Variants in TCERG1 observed in about 807,000 individuals in gnomAD.
TCERG1 encodes the protein transcription elongation regulator 1.
Under a neutral mutation model 144.7 loss-of-function variants are expected in TCERG1, and 37 were observed. The ratio of observed to expected loss-of-function variants is 0.26; its 90% CI spans 0.20 to 0.34. TCERG1 has a LOEUF of 0.34. Among genes scored for constraint, TCERG1 ranks in the 10% least tolerant of loss-of-function variants. The pLI, the probability that TCERG1 is intolerant of heterozygous loss-of-function variation, is 1.00. For synonymous variants in TCERG1, 492 were observed against 458.2 expected, an observed-to-expected ratio of 1.07 and a Z score of -0.94; for missense variants, 1,027 against 1,380.7, an observed-to-expected ratio of 0.74 and a Z score of 4.06.
In TCERG1 at chr5:146,498,551, A is replaced by T; in HGVS notation, c.2298A>T (p.Glu766Asp). Reference protein sequence around the residue: ...AKFNPRATFSEFAAKHAKDSR... With the variant: ...AKFNPRATFSDFAAKHAKDSR... ...TTTGTTACAGAGCAACTTTTAGTGA[A>T]TTTGCAGCCAAGCATGCTAAAGATT... Residue 766 changes from glutamate (E) to aspartate (D), a missense_variant, in exon 17 of 23, where the codon GAA becomes GAT. By Grantham distance (45) the Glu-to-Asp change is conservative (BLOSUM62 2). Coordinates refer to ENST00000679501, the MANE Select transcript of TCERG1 (RefSeq NM_001382548.1). 1 of 1,605,188 alleles carries T rather than the reference A, an allele frequency of 6.2e-7. No individual in the cohort carries two copies. The highest frequency in any genetic ancestry group is 8.5e-7 in the Non-Finnish European group (1 of 1,177,082).
intron 1 of TCERG1, among the ~76,000 whole-genome samples, chr5:146,450,446 TATA>T (rs1762255483): frequency 1.3e-5 from 2 of 152,236 alleles, no homozygotes; most frequent in South Asian, 4.1e-4. Context: ...CAGGGCCTGA[TATA>T]ATAATTATAG....
chr5:146,447,739 G>A (rs1388281202), intron 1 of TCERG1, among the ~76,000 whole-genome samples: 1 of 152,194 alleles, frequency 6.6e-6, no homozygotes, highest in Non-Finnish European at 1.5e-5. Flanking sequence ...CGTCTCGGCC[G>A]ACCTGAGTCT....
At chr5:146,495,680 A>C (rs542759765) in intron 16 of TCERG1, among the ~76,000 whole-genome samples, 1 of 152,322 alleles carries the variant, frequency 6.6e-6, no homozygotes, top group Middle Eastern at 3.4e-3. Context: ...TGATGTTTTA[A>C]GTTCTAAATT....
chr5:146,479,177 T>A (rs1320590098), intron 10 of TCERG1, among the ~76,000 whole-genome samples: 2 of 152,180 alleles, frequency 1.3e-5, no homozygotes, highest in African/African-American at 4.8e-5. Context: ...CAGATATTTG[T>A]ACGTAATTTT....
In TCERG1 at chr5:146,497,580, T is replaced by C. The variant is rs537441985; in HGVS notation, c.2283-956T>C. ...ATATTTAGTGATTTTTGATTGAATA[T>C]TGGACTTTGTGGCTAATATATAGAG... On this transcript the variant is annotated intron_variant, in intron 16 of 22. Transcript: ENST00000679501. 8.5e-5 allele frequency among the ~76,000 whole-genome samples: 13 copies of C among 152,348 alleles called. No individual in the cohort carries two copies. In the South Asian group the frequency reaches 2.7e-3, roughly 32 times the overall value.
At position 146,455,076 on chromosome 5, in the gene TCERG1, T is replaced by G. The variant is rs761198895; in HGVS notation, c.80T>G (p.Leu27Trp). 6.2e-7 allele frequency: 1 copy of G among 1,614,270 alleles called. No homozygotes were observed. Among genetic ancestry groups the G allele is most frequent in the South Asian group, 1.1e-5 (1 of 91,090 alleles). The change falls in exon 2 of 23, where the codon TTG becomes TGG. Residue 27 changes from leucine (L) to tryptophan (W), a missense_variant. This residue lies in a region of TCERG1 where 175 missense variants were observed against 197.0 expected (regional missense o/e 0.89). Coordinates refer to ENST00000679501, the MANE Select transcript of TCERG1 (RefSeq NM_001382548.1). ...GELRMAQQQALRFRGPAPPPN... is the reference protein window; with the variant it reads ...GELRMAQQQAWRFRGPAPPPN... ...TGCAGGATGGCCCAACAGCAGGCCTTGAGGTTCCGAGGTCCGGCTCCCCCA... is the reference window on the plus strand; with the variant it reads ...TGCAGGATGGCCCAACAGCAGGCCTGGAGGTTCCGAGGTCCGGCTCCCCCA...
At chr5:146,484,677 G>C (rs1434267625) in intron 15 of TCERG1, among the ~76,000 whole-genome samples, 1 of 152,110 alleles carries the variant, frequency 6.6e-6, no homozygotes, top group Non-Finnish European at 1.5e-5. Flanking sequence ...AACTCTGTGT[G>C]AGTTTTTTAT....
rs1299427456 is a variant in TCERG1 at position 146,511,791 on chromosome 5, T to C, written c.*1149T>C. 6.6e-6 allele frequency: 1 copy of C among 152,180 alleles called. No individual in the cohort carries two copies. Among genetic ancestry groups the C allele is most frequent in the Non-Finnish European group, 1.5e-5 (1 of 68,038 alleles). The allele number at this position is 152,180 out of a possible 1,614,324, so 9.4% of individuals were successfully genotyped here. On this transcript the variant is annotated 3_prime_UTR_variant, in exon 23 of 23. Coordinates refer to ENST00000679501, the MANE Select transcript of TCERG1 (RefSeq NM_001382548.1). Reference sequence around the variant, plus strand: ...TTTTGTCCTTTGTATTAATGTATGATGGTTTGCGCCTTTTTGGCATTCTTT... The same window carrying C: ...TTTTGTCCTTTGTATTAATGTATGACGGTTTGCGCCTTTTTGGCATTCTTT...
Position 146,458,875 on chromosome 5 carries a change from C to T in TCERG1, c.439-9C>T. 6.3e-7 allele frequency: 1 copy of T among 1,581,630 alleles called. No individual in the cohort carries two copies. The highest frequency in any genetic ancestry group is 8.6e-7 in the Non-Finnish European group (1 of 1,163,790). ...TTTATGATACCATTGATTTTTGCTTCCGCTGCAGGTTTATTATTATAATGC... is the reference window on the plus strand; with the variant it reads ...TTTATGATACCATTGATTTTTGCTTTCGCTGCAGGTTTATTATTATAATGC... On this transcript the variant is annotated splice_polypyrimidine_tract_variant and intron_variant, in intron 3 of 22. Coordinates refer to ENST00000679501, the MANE Select transcript of TCERG1 (RefSeq NM_001382548.1).
chr5:146,461,517 T>A (rs1254610231), intron 4 of TCERG1, among the ~76,000 whole-genome samples: 1 of 152,192 alleles, frequency 6.6e-6, no homozygotes, highest in Non-Finnish European at 1.5e-5. Flanking sequence ...ATTATTTTAT[T>A]GCTTTTGTTC....
At chr5:146,471,006 A>T (rs1278206997) in intron 8 of TCERG1, among the ~76,000 whole-genome samples, 3 of 152,246 alleles carry the variant, frequency 2.0e-5, no homozygotes, top group Non-Finnish European at 4.4e-5. Flanking sequence ...TCTGACTTAT[A>T]AACTGAGTGG....
At chr5:146,464,335 A>G (rs554265419) in intron 5 of TCERG1, among the ~76,000 whole-genome samples, 1 of 152,372 alleles carries the variant, frequency 6.6e-6, no homozygotes, top group Non-Finnish European at 1.5e-5. Flanking sequence ...TAAGCTTTTA[A>G]TAACTATGTT....
chr5:146,475,753 A>G (rs988944372), intron 9 of TCERG1, among the ~76,000 whole-genome samples: 4 of 152,084 alleles, frequency 2.6e-5, no homozygotes, highest in African/African-American at 9.7e-5. Context: ...GTGGTAATGT[A>G]TTTCTTTTAT....
chr5:146,474,758 C>A (rs1325992516), intron 9 of TCERG1, among the ~76,000 whole-genome samples: 1 of 152,154 alleles, frequency 6.6e-6, no homozygotes, highest in African/African-American at 2.4e-5. Context: ...GCCCTGAAAG[C>A]TCAGATGATA....
At chr5:146,477,114 T>C (rs1232602878) in intron 9 of TCERG1, among the ~76,000 whole-genome samples, 1 of 152,160 alleles carries the variant, frequency 6.6e-6, no homozygotes, top group African/African-American at 2.4e-5. Flanking sequence ...GTCTCCATTC[T>C]GTCTTGAGCC....
chr5:146,447,763 G>A (rs752414298), intron 1 of TCERG1, among the ~76,000 whole-genome samples: 1 of 152,222 alleles, frequency 6.6e-6, no homozygotes. Flanking sequence ...CCCAGGCCGC[G>A]CTCCGCTGCG....
Position 146,507,531 on chromosome 5 carries a change from G to T in TCERG1, c.2961+324G>T. 6.1e-6 allele frequency: 2 copies of T among 329,640 alleles called. No homozygotes were observed. The highest frequency in any genetic ancestry group is 1.1e-5 in the Non-Finnish European group (2 of 183,994). 20.4% of individuals were successfully genotyped at this position (329,640 alleles called of 1,614,324 possible). On this transcript the variant is annotated intron_variant, in intron 20 of 22. Transcript: ENST00000679501. The surrounding 1 kb of genome is among the most constrained non-coding windows in gnomAD (Gnocchi z 4.6). Reference sequence around the variant, plus strand: ...ATTTGGTACTATGGCCTCTTGTTCGGCAGTTTGTACGCTTTGTTATCCAGG... The same window carrying T: ...ATTTGGTACTATGGCCTCTTGTTCGTCAGTTTGTACGCTTTGTTATCCAGG...
At chr5:146,477,999 G>GGCCTT (rs962041125) in intron 9 of TCERG1, among the ~76,000 whole-genome samples, 3 of 151,990 alleles carry the variant, frequency 2.0e-5, no homozygotes, top group African/African-American at 7.3e-5. Flanking sequence ...CACCGTGCTG[G>GGCCTT]GCCTTCCCTT....
chr5:146,486,973 C>T (rs1240788260), intron 15 of TCERG1, among the ~76,000 whole-genome samples: 1 of 151,966 alleles, frequency 6.6e-6, no homozygotes, highest in African/African-American at 2.4e-5. Flanking sequence ...GCCTTTCATC[C>T]CAGCTAGTTA....
Sources: gnomAD v4.1 joint callset for allele counts (sites outside exome capture counted in the v4.1 genomes callset) on GRCh38, gnomAD v4.1.1 for gene constraint, gnomAD v4.1.1 regional missense constraint, Gnocchi (gnomAD v3.1) non-coding constraint, MANE v1.5 for transcripts, NCBI Gene and HGNC (gene_info 2026-07-23, HGNC 2026-07-21) for gene names.